Variants in KCNB2 observed in about 807,000 individuals in gnomAD.
KCNB2 encodes delayed rectifier potassium channel protein.
KCNB2 carries 15 observed loss-of-function variants against 61.5 expected under a neutral mutation model. That is an observed-to-expected ratio of 0.24 (90% CI 0.16 to 0.38). The LOEUF is 0.38. Among genes scored for constraint, KCNB2 ranks in the 10% least tolerant of loss-of-function variants. KCNB2 has a pLI of 1.00. For missense variants in KCNB2, 828 were observed against 1,125.2 expected, an observed-to-expected ratio of 0.74 and a Z score of 3.78; for synonymous variants, 457 against 446.0, an observed-to-expected ratio of 1.02 and a Z score of -0.31.
chr8:72,613,450 C>T lies in KCNB2; in HGVS notation c.579+45137C>T, dbSNP rs138930653. Among the ~76,000 whole-genome samples, 44 of 152,258 alleles carry T rather than the reference C, an allele frequency of 2.9e-4. No homozygotes were observed. In the East Asian group the frequency reaches 6.9e-3, roughly 24 times the overall value. ...TGACAGACTATGAAGATTTGTCTTA[C>T]GCACCTAGACAGATATTTCTAAGTA... On this transcript the variant is annotated intron_variant, in intron 2 of 2. Coordinates refer to ENST00000523207, the MANE Select transcript of KCNB2 (RefSeq NM_004770.3).
At position 72,725,571 on chromosome 8, in the gene KCNB2, A is replaced by ATATATATG. The variant is rs1554587059; in HGVS notation, c.579+157261_579+157262insATATGTAT. 8.4e-3 allele frequency among the ~76,000 whole-genome samples: 766 copies of ATATATATG among 91,282 alleles called. 29 individuals carry two copies. The highest frequency in any genetic ancestry group is 0.037 in the African/African-American group (698 of 18,748). 59.9% of individuals were successfully genotyped at this position (91,282 alleles called of 152,430 possible). On this transcript the variant is annotated intron_variant, in intron 2 of 2. Coordinates refer to ENST00000523207, the MANE Select transcript of KCNB2 (RefSeq NM_004770.3). ...TATATATATATGTATATATGTATAT[A>ATATATATG]TATGTATATATATATGTATGTATAT...
At chr8:72,592,869 C>T (rs949037200) in intron 2 of KCNB2, among the ~76,000 whole-genome samples, 13 of 152,068 alleles carry the variant, frequency 8.5e-5, no homozygotes, top group Non-Finnish European at 5.9e-5. Flanking sequence ...CATACCTTGG[C>T]AAAACCAAAA....
intron 2 of KCNB2, among the ~76,000 whole-genome samples, chr8:72,813,454 G>A (rs544123433): frequency 6.6e-6 from 1 of 152,104 alleles, no homozygotes; most frequent in East Asian, 1.9e-4. Context: ...AGATGATTTT[G>A]GTACAGAAAC....
At chr8:72,541,007 A>AG (rs1563517681) in intron 1 of KCNB2, among the ~76,000 whole-genome samples, 1 of 151,398 alleles carries the variant, frequency 6.6e-6, no homozygotes, top group Non-Finnish European at 1.5e-5. Context: ...GGGGAAAAAA[A>AG]CTTGAAAAAC....
chr8:72,698,235 G>A (rs1019967332), intron 2 of KCNB2, among the ~76,000 whole-genome samples: 2 of 149,990 alleles, frequency 1.3e-5, no homozygotes, highest in African/African-American at 2.5e-5. Context: ...GCAAACTCAA[G>A]CAAAATCAAG....
At position 72,937,600 on chromosome 8, in the gene KCNB2, C is replaced by G. The variant is rs143326877; in HGVS notation, c.2245C>G (p.Pro749Ala). 1 of 1,614,042 alleles carries G rather than the reference C, an allele frequency of 6.2e-7. No homozygotes were observed. Among genetic ancestry groups the G allele is most frequent in the South Asian group, 1.1e-5 (1 of 91,064 alleles). ...CACAGCTGACTTTTCGCTCACTACC[C>G]CGCAGCACATCAGTACCATCCTCTT... ...VTTADFSLTTPQHISTILLEE... is the reference protein window; with the variant it reads ...VTTADFSLTTAQHISTILLEE... The change falls in exon 3 of 3, where the codon CCG becomes GCG. Residue 749 changes from proline to alanine, a missense_variant. Around this residue, in one of 4 missense-constraint regions of KCNB2, gnomAD observed 559 missense variants for 588.4 expected, o/e 0.95. Coordinates refer to ENST00000523207, the MANE Select transcript of KCNB2 (RefSeq NM_004770.3).
intron 2 of KCNB2, among the ~76,000 whole-genome samples, chr8:72,725,561 A>T (rs1399029134): frequency 1.8e-5 from 1 of 54,962 alleles, no homozygotes; most frequent in Admixed American, 2.0e-4. Context: ...ATATATGTAT[A>T]TATGTATATA....
chr8:72,594,230 T>C (rs1309081818), intron 2 of KCNB2, among the ~76,000 whole-genome samples: 1 of 152,184 alleles, frequency 6.6e-6, no homozygotes, highest in Admixed American at 6.5e-5. Flanking sequence ...ATTAAGAAGT[T>C]GTTTTCAATT....
intron 2 of KCNB2, among the ~76,000 whole-genome samples, chr8:72,934,198 C>G (rs1806849958): frequency 6.6e-6 from 1 of 151,858 alleles, no homozygotes; most frequent in Non-Finnish European, 1.5e-5. Flanking sequence ...AACCCCGTAT[C>G]TACTAAAAAT....
intron 2 of KCNB2, among the ~76,000 whole-genome samples, chr8:72,653,449 T>C (rs1310959974): frequency 6.9e-6 from 1 of 144,896 alleles, no homozygotes; most frequent in East Asian, 2.7e-4. Context: ...ATTCAGCTTT[T>C]ATTTTTATTT....
intron 2 of KCNB2, among the ~76,000 whole-genome samples, chr8:72,815,666 T>A (rs1809385487): frequency 6.6e-6 from 1 of 152,202 alleles, no homozygotes; most frequent in East Asian, 1.9e-4. Context: ...TCATCTTTCA[T>A]ACCTTACATC....
intron 2 of KCNB2, among the ~76,000 whole-genome samples, chr8:72,781,449 C>G (rs1808753184): frequency 6.6e-6 from 1 of 152,158 alleles, no homozygotes; most frequent in South Asian, 2.1e-4. Context: ...CCAGTTCTCC[C>G]AGCACCATTT....
intron 2 of KCNB2, among the ~76,000 whole-genome samples, chr8:72,780,216 C>T (rs1203816928): frequency 6.6e-6 from 1 of 152,158 alleles, no homozygotes; most frequent in Non-Finnish European, 1.5e-5. Context: ...TTGGAAACAA[C>T]TGAATATCTG....
intron 2 of KCNB2, among the ~76,000 whole-genome samples, chr8:72,837,118 G>A (rs149366221): frequency 1.8e-4 from 28 of 152,296 alleles, no homozygotes; most frequent in Non-Finnish European, 3.5e-4. Context: ...TAGACATACT[G>A]TTCCTGGAAC....
Position 72,937,684 on chromosome 8 carries a change from T to C in KCNB2, c.2329T>C (p.Cys777Arg), listed in dbSNP as rs1320153769. The change falls in exon 3 of 3, where the codon TGT becomes CGT. Residue 777 changes from cysteine to arginine, a missense_variant. Cys to Arg is a radical substitution (Grantham distance 180). Coordinates refer to ENST00000523207, the MANE Select transcript of KCNB2 (RefSeq NM_004770.3). ...PLLGTEVSAP[C>R]QGPSKGLSPR... is the part of the protein sequence containing the mutation. ...GCTGGGCACTGAGGTTTCAGCGCCTTGTCAGGGACCTTCCAAAGGGCTGTC... is the reference window on the plus strand; with the variant it reads ...GCTGGGCACTGAGGTTTCAGCGCCTCGTCAGGGACCTTCCAAAGGGCTGTC... 2 of 1,613,836 alleles carry C rather than the reference T, an allele frequency of 1.2e-6. No homozygotes were observed. Among genetic ancestry groups the C allele is most frequent in the Admixed American group, 1.7e-5 (1 of 59,990 alleles).
intron 2 of KCNB2, among the ~76,000 whole-genome samples, chr8:72,595,827 C>T (rs886560438): frequency 6.6e-6 from 1 of 152,112 alleles, no homozygotes; most frequent in East Asian, 1.9e-4. Flanking sequence ...ATCCAGCTCT[C>T]GCTTATTTCT....
intron 2 of KCNB2, among the ~76,000 whole-genome samples, chr8:72,748,901 T>C (rs962050785): frequency 2.6e-5 from 4 of 152,048 alleles, no homozygotes; most frequent in Admixed American, 1.3e-4. Context: ...TGAAACACAA[T>C]ACATTGCTAT....
intron 2 of KCNB2, among the ~76,000 whole-genome samples, chr8:72,574,469 A>G (rs1806765189): frequency 6.6e-6 from 1 of 152,196 alleles, no homozygotes; most frequent in East Asian, 1.9e-4. Context: ...TGCACAATGA[A>G]CTAAGTCATC....
At chr8:72,923,282 G>A (rs61448810) in intron 2 of KCNB2, among the ~76,000 whole-genome samples, 1 of 152,038 alleles carries the variant, frequency 6.6e-6, no homozygotes, top group Non-Finnish European at 1.5e-5. Context: ...AGGGGGTTTG[G>A]GGGGAGACCT....
Sources: allele counts gnomAD v4.1 joint callset (sites outside exome capture counted in the v4.1 genomes callset), GRCh38; gene constraint gnomAD v4.1.1; regional missense constraint gnomAD v4.1.1; transcripts MANE v1.5; gene names NCBI Gene and HGNC (gene_info 2026-07-23, HGNC 2026-07-21).